Variants in NAALADL2 observed in about 807,000 individuals in gnomAD.
The protein encoded by NAALADL2 is N-acetylated alpha-linked acidic dipeptidase like 2.
NAALADL2 carries 76 observed loss-of-function variants against 87.2 expected under a neutral mutation model. That is an observed-to-expected ratio of 0.87 (90% CI 0.72 to 1.05). The LOEUF is 1.05. Ranked by LOEUF, NAALADL2 falls within the 50% of genes least tolerant of loss-of-function variation. The probability of loss-of-function intolerance (pLI) is 0.00; values close to 1 mark genes in which losing one functional copy is unlikely to be tolerated. For missense variants in NAALADL2, 1,089 were observed against 945.8 expected (o/e 1.15, Z -1.99); for synonymous variants, 354 against 331.0 (o/e 1.07, Z -0.75).
chr3:175,634,369 T>G (rs1053909642), intron 11 of NAALADL2, among the ~76,000 whole-genome samples: 1 of 151,986 alleles, frequency 6.6e-6, no homozygotes, highest in African/African-American at 2.4e-5. Context: ...TGTTATAATA[T>G]TCTTAAGATT....
At chr3:174,889,405 C>T (rs139742845) in intron 1 of NAALADL2, among the ~76,000 whole-genome samples, 3 of 152,200 alleles carry the variant, frequency 2.0e-5, no homozygotes, top group African/African-American at 7.2e-5. Flanking sequence ...GTGGGATTTA[C>T]ACCTGGCTTT....
At chr3:174,758,448 A>T (rs1279608508) in intron 3 of NAALADL2, among the ~76,000 whole-genome samples, 1 of 152,176 alleles carries the variant, frequency 6.6e-6, no homozygotes, top group East Asian at 1.9e-4. Flanking sequence ...ATGTCATTGT[A>T]CCCTTGGAAT....
At chr3:175,367,727 G>T (rs558650797) in intron 5 of NAALADL2, among the ~76,000 whole-genome samples, 3 of 152,276 alleles carry the variant, frequency 2.0e-5, no homozygotes, top group Admixed American at 6.5e-5. Context: ...CTTTGCTGAA[G>T]TTGCTTATCA....
At chr3:175,442,561 T>C (rs1719979923) in intron 5 of NAALADL2, among the ~76,000 whole-genome samples, 1 of 152,180 alleles carries the variant, frequency 6.6e-6, no homozygotes, top group Non-Finnish European at 1.5e-5. Context: ...ATGACAATAG[T>C]ATCGTAGTGA....
At chr3:175,203,914 A>C (rs1296524928) in intron 2 of NAALADL2, among the ~76,000 whole-genome samples, 1 of 152,234 alleles carries the variant, frequency 6.6e-6, no homozygotes, top group African/African-American at 2.4e-5. Flanking sequence ...AATAGCCTGA[A>C]CAAATCAATA....
chr3:175,636,521 A>G (rs1582719936), intron 11 of NAALADL2, among the ~76,000 whole-genome samples: 1 of 152,130 alleles, frequency 6.6e-6, no homozygotes, highest in South Asian at 2.1e-4. Context: ...CAATATGGTG[A>G]AACCTTGTCT....
chr3:174,838,022 A>G (rs1723552496), intron 3 of NAALADL2, among the ~76,000 whole-genome samples: 1 of 98,192 alleles, frequency 1.0e-5, no homozygotes, highest in Non-Finnish European at 2.1e-5. Context: ...ACCAAAAAAG[A>G]AAAAAAAAAA....
At chr3:175,360,494 T>G (rs577951739) in intron 5 of NAALADL2, among the ~76,000 whole-genome samples, 2 of 152,056 alleles carry the variant, frequency 1.3e-5, no homozygotes, top group African/African-American at 4.8e-5. Context: ...TTCCCCTTCA[T>G]GTTGGTGTCT....
intron 13 of NAALADL2, chr3:175,774,867 A>C (rs902841876): frequency 6.6e-6 from 1 of 152,086 alleles, no homozygotes; most frequent in East Asian, 1.9e-4. Context: ...AGCAAATAAT[A>C]AAATGACTTC....
chr3:174,592,403 A>T (rs1717465446), intron 2 of NAALADL2, among the ~76,000 whole-genome samples: 1 of 152,104 alleles, frequency 6.6e-6, no homozygotes, highest in Non-Finnish European at 1.5e-5. Context: ...TATCTCAAAG[A>T]TGAGATAGTA....
At chr3:174,766,154 T>C (rs2109090340) in intron 3 of NAALADL2, among the ~76,000 whole-genome samples, 1 of 152,338 alleles carries the variant, frequency 6.6e-6, no homozygotes, top group South Asian at 2.1e-4. Flanking sequence ...TTTCCCTTTC[T>C]TATCCTATTT....
chr3:175,415,954 T>TAAAA (rs58764853), intron 5 of NAALADL2, among the ~76,000 whole-genome samples: 2,595 of 133,536 alleles, frequency 0.019, 79 homozygotes, highest in African/African-American at 0.069. Context: ...TGTCTCTATT[T>TAAAA]AAAAAAAAAA....
chr3:174,997,744 G>A (rs1023836875), intron 1 of NAALADL2, among the ~76,000 whole-genome samples: 8 of 151,990 alleles, frequency 5.3e-5, no homozygotes, highest in Admixed American at 2.0e-4. Context: ...TGAACCCGGG[G>A]AAGAGGAGGT....
intron 3 of NAALADL2, among the ~76,000 whole-genome samples, chr3:175,243,530 A>ACTT (rs1420443866): frequency 2.8e-5 from 2 of 70,576 alleles, no homozygotes; most frequent in African/African-American, 1.1e-4. Flanking sequence ...ACACATCAGG[A>ACTT]CTTTTTTTTT....
intron 1 of NAALADL2, among the ~76,000 whole-genome samples, chr3:175,044,351 T>G (rs1485211928): frequency 6.6e-6 from 1 of 152,172 alleles, no homozygotes; most frequent in African/African-American, 2.4e-5. Context: ...TTTCTCTCTC[T>G]CATCTCCAGT....
intron 2 of NAALADL2, among the ~76,000 whole-genome samples, chr3:175,206,953 G>A (rs1741027774): frequency 6.6e-6 from 1 of 152,120 alleles, no homozygotes; most frequent in Non-Finnish European, 1.5e-5. Context: ...TGAAGAGAAA[G>A]CAGTGCATGC....
chr3:174,836,230 G>T (rs1308617273), intron 3 of NAALADL2, among the ~76,000 whole-genome samples: 1 of 152,102 alleles, frequency 6.6e-6, no homozygotes, highest in Non-Finnish European at 1.5e-5. Flanking sequence ...AAATAAGCTA[G>T]TCGCAAAAAA....
chr3:175,413,329 T>C (rs1713961074), intron 5 of NAALADL2, among the ~76,000 whole-genome samples: 1 of 150,726 alleles, frequency 6.6e-6, no homozygotes, highest in Non-Finnish European at 1.5e-5. Context: ...CCCAGCCTTT[T>C]GGGAGGCCGA....
intron 1 of NAALADL2, among the ~76,000 whole-genome samples, chr3:174,991,834 A>T (rs893778843): frequency 2.0e-5 from 3 of 152,144 alleles, no homozygotes; most frequent in East Asian, 3.8e-4. Flanking sequence ...CTGTGTTTGC[A>T]CATGACTGAA....
Sources: allele counts gnomAD v4.1 joint callset (sites outside exome capture counted in the v4.1 genomes callset), GRCh38; gene constraint gnomAD v4.1.1; transcripts MANE v1.5; gene names NCBI Gene and HGNC (gene_info 2026-07-23, HGNC 2026-07-21).